DAGLA: variants seen among roughly 807,000 people sequenced by gnomAD.
DAGLA encodes diacylglycerol lipase-alpha.
DAGLA carries 22 observed loss-of-function variants against 102.6 expected under a neutral mutation model. The observed-to-expected ratio is 0.21, with a 90% CI of 0.15 to 0.31. The LOEUF is 0.31. DAGLA is among the 10% of genes least tolerant of loss of function. The pLI is 1.00. For synonymous variants in DAGLA, 578 were observed against 628.9 expected, an observed-to-expected ratio of 0.92 and a Z score of 1.21; for missense variants, 927 against 1,446.6, an observed-to-expected ratio of 0.64 and a Z score of 5.83.
At chr11:61,688,546 C>G (rs1186218654) in intron 1 of DAGLA, among the ~76,000 whole-genome samples, 2 of 152,194 alleles carry the variant, frequency 1.3e-5, no homozygotes, top group African/African-American at 2.4e-5. Flanking sequence ...GAGTGGCTGC[C>G]AGGCCCTGGT....
intron 6 of DAGLA, 101 bp downstream of exon 6, chr11:61,726,183 G>A (rs2065325119): frequency 2.6e-6 from 3 of 1,145,690 alleles, no homozygotes; most frequent in Non-Finnish European, 3.9e-6. Flanking sequence ...CAGGGCTGGT[G>A]GGAAGGAGCT....
rs116223593 is a variant in DAGLA at position 61,701,717 on chromosome 11, C to G, written c.-44-18395C>G. The stretch of plus-strand genomic sequence containing the variant: ...AGGACCCCGAAAACCTGCCCTTTAC[C>G]GAGTCTCACCCCCGAGCCTGCTGAG... On this transcript the variant is annotated intron_variant, in intron 1 of 19. Coordinates refer to ENST00000257215, the MANE Select transcript of DAGLA (RefSeq NM_006133.3). 2.2e-4 allele frequency among the ~76,000 whole-genome samples: 33 copies of G among 152,242 alleles called. No homozygotes were observed. The East Asian group carries it at 6.4e-3, about 29-fold the overall frequency.
chr11:61,701,499 C>T (rs551478983), intron 1 of DAGLA, among the ~76,000 whole-genome samples: 83 of 152,298 alleles, frequency 5.4e-4, no homozygotes, highest in African/African-American at 2.0e-3. Flanking sequence ...GGAAAGCAGC[C>T]GGGATTCGAT....
chr11:61,702,400 A>G (rs2065116280), intron 1 of DAGLA, among the ~76,000 whole-genome samples: 1 of 152,204 alleles, frequency 6.6e-6, no homozygotes, highest in Non-Finnish European at 1.5e-5. Flanking sequence ...GGTGAGAAAG[A>G]TGATAGCACC....
Position 61,739,549 on chromosome 11 carries a change from C to T in DAGLA, c.1741C>T (p.Arg581Trp), listed in dbSNP as rs766441182. The T allele has an allele frequency of 2.0e-5, 33 of 1,614,014 alleles. No individual in the cohort carries two copies. The highest frequency in any genetic ancestry group is 2.5e-5 in the Non-Finnish European group (30 of 1,180,036). ...EVEVTTLAST[R>W]LWTHPSDLTI... ...AGAGGTGACCACCCTGGCCAGCACG[C>T]GGCTCTGGACCCACCCCAGCGACCT... Residue 581 changes from arginine (R) to tryptophan (W), a missense_variant, in exon 17 of 20, where the codon CGG becomes TGG. Transcript: ENST00000257215.
intron 13 of DAGLA, 105 bp downstream of exon 13, chr11:61,736,455 C>A: frequency 2.1e-6 from 2 of 934,980 alleles, no homozygotes. Flanking sequence ...TCACAACTCC[C>A]ACACAAGCCA....
chr11:61,684,434 C>T lies in DAGLA; in HGVS notation c.-45+3930C>T, dbSNP rs1439779539. On this transcript the variant is annotated intron_variant, in intron 1 of 19. Transcript: ENST00000257215. The surrounding 1 kb of genome is among the most constrained non-coding windows in gnomAD (Gnocchi z 4.5). ...GTTTCTGATACTGACTTGGGCTGGG[C>T]GTGGTCTTTCTGGGTTGGATGGGAA... Among the ~76,000 whole-genome samples, 2 of 152,086 alleles carry T rather than the reference C, an allele frequency of 1.3e-5. No homozygotes were observed. The highest frequency in any genetic ancestry group is 2.4e-5 in the African/African-American group (1 of 41,402).
At chr11:61,694,783 G>A (rs1261173999) in intron 1 of DAGLA, among the ~76,000 whole-genome samples, 1 of 152,082 alleles carries the variant, frequency 6.6e-6, no homozygotes, top group Non-Finnish European at 1.5e-5. Context: ...GATTCATGCG[G>A]TCACATGTTT....
Position 61,703,678 on chromosome 11 carries a change from A to G in DAGLA, c.-44-16434A>G, listed in dbSNP as rs899681979. Among the ~76,000 whole-genome samples, 370 of 149,572 alleles carry G rather than the reference A, an allele frequency of 2.5e-3. 2 individuals carry two copies. The highest frequency in any genetic ancestry group is 8.5e-3 in the African/African-American group (346 of 40,474). On this transcript the variant is annotated intron_variant, in intron 1 of 19. Coordinates refer to ENST00000257215, the MANE Select transcript of DAGLA (RefSeq NM_006133.3). ...TGAGTGGGTAGATGGAGGATGGAGG[A>G]ATGGATGGATGGATGGATGGATGGA...
chr11:61,708,385 T>C (rs1029036888), intron 1 of DAGLA, among the ~76,000 whole-genome samples: 10 of 141,762 alleles, frequency 7.1e-5, no homozygotes, highest in Admixed American at 4.9e-4. Flanking sequence ...ACTTTACAAC[T>C]TTTTTTTTTT....
Position 61,734,778 on chromosome 11 carries a change from G to A in DAGLA, c.975-71G>A, listed in dbSNP as rs1207111248. The A allele has an allele frequency of 6.8e-7, 1 of 1,480,262 alleles. No homozygotes were observed. Among genetic ancestry groups the A allele is most frequent in the Non-Finnish European group, 9.3e-7 (1 of 1,078,074 alleles). The allele number at this position is 1,480,262 out of a possible 1,614,324, so 91.7% of individuals were successfully genotyped here. ...AATGCCCAACTGGAACTGGTTCCAGGGACAGTGGCAGGAGACATTTGTTCC... is the reference window on the plus strand; with the variant it reads ...AATGCCCAACTGGAACTGGTTCCAGAGACAGTGGCAGGAGACATTTGTTCC... On this transcript the variant is annotated intron_variant, in intron 9 of 19. Coordinates refer to ENST00000257215, the MANE Select transcript of DAGLA (RefSeq NM_006133.3). The surrounding 1 kb of genome is among the most constrained non-coding windows in gnomAD (Gnocchi z 4.2).
chr11:61,733,394 C>T (rs1246707606), intron 9 of DAGLA, among the ~76,000 whole-genome samples: 3 of 152,222 alleles, frequency 2.0e-5, no homozygotes, highest in Non-Finnish European at 1.5e-5. Flanking sequence ...CTTTGTCCCC[C>T]CAGCAAGCAC....
At chr11:61,728,870 T>C in intron 7 of DAGLA, 61 bp from the exon 8 acceptor site, 1 of 1,497,402 alleles carries the variant, frequency 6.7e-7, no homozygotes, top group South Asian at 1.1e-5. Flanking sequence ...GGGCCCCCTT[T>C]CCCAGCCATG....
chr11:61,710,760 G>GGT (rs1464393310), intron 1 of DAGLA, among the ~76,000 whole-genome samples: 1 of 152,174 alleles, frequency 6.6e-6, no homozygotes, highest in East Asian at 1.9e-4. Flanking sequence ...TGCAAGGTGA[G>GGT]GTAAAGGTTC....
intron 6 of DAGLA, 132 bp from the exon 7 acceptor site, chr11:61,728,021 G>A: frequency 9.8e-7 from 1 of 1,024,738 alleles, no homozygotes. Context: ...GAGGTGCTGG[G>A]GAGAACCTGT....
chr11:61,725,833 C>G (rs978079939), intron 5 of DAGLA, among the ~76,000 whole-genome samples, 162 bp from the exon 6 acceptor site: 1 of 152,236 alleles, frequency 6.6e-6, no homozygotes, highest in African/African-American at 2.4e-5. Flanking sequence ...CCACTGGCCA[C>G]CAGCTCTGGC....
In DAGLA at chr11:61,684,371, A is replaced by T. The variant is rs888000613; in HGVS notation, c.-45+3867A>T. Among the ~76,000 whole-genome samples, 7 of 152,202 alleles carry T rather than the reference A, an allele frequency of 4.6e-5. No homozygotes were observed. The highest frequency in any genetic ancestry group is 1.7e-4 in the African/African-American group (7 of 41,436). On this transcript the variant is annotated intron_variant, in intron 1 of 19. Coordinates refer to ENST00000257215, the MANE Select transcript of DAGLA (RefSeq NM_006133.3). The surrounding 1 kb of genome is among the most constrained non-coding windows in gnomAD (Gnocchi z 4.5). ...CAGGATGCGGTTACCTCCCCAGCGG[A>T]TAGGGCTGAAAATGGTTTATTTTGA...
At chr11:61,717,948 G>A (rs1415522502) in intron 1 of DAGLA, among the ~76,000 whole-genome samples, 2 of 152,218 alleles carry the variant, frequency 1.3e-5, no homozygotes, top group Non-Finnish European at 2.9e-5. Flanking sequence ...GAGCTGAAGC[G>A]AGCGGGCATT....
At chr11:61,735,698 C>T in intron 11 of DAGLA, 41 bp from the exon 12 acceptor site, 1 of 1,612,736 alleles carries the variant, frequency 6.2e-7, no homozygotes, top group Non-Finnish European at 8.5e-7. Context: ...CTCTTCCTGT[C>T]CTCTTTAGCC....
Sources: gnomAD v4.1 joint callset for allele counts (sites outside exome capture counted in the v4.1 genomes callset) on GRCh38, gnomAD v4.1.1 for gene constraint, Gnocchi (gnomAD v3.1) non-coding constraint, MANE v1.5 for transcripts, NCBI Gene and HGNC (gene_info 2026-07-23, HGNC 2026-07-21) for gene names.